Variants in STK10 observed in about 807,000 individuals in gnomAD.
The protein encoded by STK10 is serine/threonine-protein kinase 10.
A neutral mutation model predicts 113.8 loss-of-function variants in STK10; 78 were observed. The observed-to-expected ratio is 0.69, with a 90% CI of 0.57 to 0.83. STK10 has a LOEUF of 0.83. Ranked by LOEUF, STK10 falls within the 40% of genes least tolerant of loss-of-function variation. STK10 has a pLI of 0.00. For missense variants in STK10, 1,109 were observed against 1,280.1 expected (o/e 0.87, Z 2.04); for synonymous variants, 465 against 494.7 (o/e 0.94, Z 0.80).
chr5:172,142,995 G>C (rs2113802995), intron 2 of STK10, among the ~76,000 whole-genome samples: 1 of 152,322 alleles, frequency 6.6e-6, no homozygotes, highest in Admixed American at 6.5e-5. Context: ...AAGGAAGCCA[G>C]GATGTCCCAG....
intron 3 of STK10, among the ~76,000 whole-genome samples, chr5:172,124,175 T>C (rs1769573190): frequency 6.6e-6 from 1 of 152,148 alleles, no homozygotes; most frequent in South Asian, 2.1e-4. Flanking sequence ...GTGATCCACC[T>C]GCCTCGGCCT....
intron 3 of STK10, among the ~76,000 whole-genome samples, chr5:172,126,298 T>G (rs1209978346): frequency 1.3e-5 from 2 of 152,018 alleles, no homozygotes; most frequent in Admixed American, 6.6e-5. Flanking sequence ...ATAAAAGTGA[T>G]ATTTGCCTGT....
At chr5:172,144,682 A>G (rs1770050457) in intron 2 of STK10, among the ~76,000 whole-genome samples, 1 of 152,028 alleles carries the variant, frequency 6.6e-6, no homozygotes, top group African/African-American at 2.4e-5. Context: ...CTGGGGAAGG[A>G]ATTAGGACTG....
chr5:172,105,958 A>G (rs189024343), intron 6 of STK10, among the ~76,000 whole-genome samples: 1 of 152,328 alleles, frequency 6.6e-6, no homozygotes, highest in East Asian at 1.9e-4. Context: ...TGCCCAGGCC[A>G]CGCAGTGAGG....
At position 172,116,733 on chromosome 5, in the gene STK10, T is replaced by C. The variant is rs964493233; in HGVS notation, c.520+748A>G. Among the ~76,000 whole-genome samples the C allele has an allele frequency of 2.6e-5, 4 of 151,094 alleles. No homozygotes were observed. In the South Asian group the frequency reaches 6.3e-4, roughly 24 times the overall value. ...AAATACAAAAATTAGCCAGGTGTGG[T>C]GGTGGGTGCCTATAGTCCCAGCAAC... is the stretch of plus-strand genomic sequence containing the variant. On this transcript the variant is annotated intron_variant, in intron 4 of 18. Transcript: ENST00000176763.
intron 1 of STK10, among the ~76,000 whole-genome samples, chr5:172,170,948 G>C (rs1183260738): frequency 6.6e-6 from 1 of 152,240 alleles, no homozygotes; most frequent in Non-Finnish European, 1.5e-5. Flanking sequence ...AGGAGGAAGT[G>C]AGGAAGGAAG....
chr5:172,136,136 G>C (rs916571951), intron 2 of STK10, among the ~76,000 whole-genome samples: 1 of 152,104 alleles, frequency 6.6e-6, no homozygotes, highest in Non-Finnish European at 1.5e-5. Flanking sequence ...CTACTGATTT[G>C]ACAGAAAGGA....
chr5:172,112,813 C>T (rs1769268314), intron 4 of STK10, among the ~76,000 whole-genome samples: 1 of 151,696 alleles, frequency 6.6e-6, no homozygotes, highest in Non-Finnish European at 1.5e-5. Flanking sequence ...ATGGCACGAT[C>T]TCGGCTCACT....
At chr5:172,070,279 C>A (rs1429825620) in intron 12 of STK10, among the ~76,000 whole-genome samples, 3 of 149,994 alleles carry the variant, frequency 2.0e-5, no homozygotes, top group East Asian at 3.9e-4. Context: ...ATCTATATAT[C>A]TATATATATA....
At chr5:172,148,368 G>A (rs1770130311) in intron 2 of STK10, among the ~76,000 whole-genome samples, 1 of 152,140 alleles carries the variant, frequency 6.6e-6, no homozygotes, top group African/African-American at 2.4e-5. Context: ...GGAAGGACAA[G>A]GTCAGATGGT....
At chr5:172,110,331 C>A (rs778478344) in intron 4 of STK10, among the ~76,000 whole-genome samples, 3 of 152,142 alleles carry the variant, frequency 2.0e-5, no homozygotes, top group Non-Finnish European at 4.4e-5. Context: ...TCAGCATACA[C>A]TAACTGCACA....
At chr5:172,046,135 G>A (rs1382330686) in intron 18 of STK10, among the ~76,000 whole-genome samples, 10 of 151,710 alleles carry the variant, frequency 6.6e-5, no homozygotes, top group South Asian at 2.1e-4. Context: ...CAAGGCGGGC[G>A]GATCACCTGA....
chr5:172,071,487 G>A (rs1469408470), intron 12 of STK10, among the ~76,000 whole-genome samples: 1 of 151,904 alleles, frequency 6.6e-6, no homozygotes, highest in Non-Finnish European at 1.5e-5. Context: ...TTTCCCTGTA[G>A]GGAGCAAGCA....
intron 12 of STK10, among the ~76,000 whole-genome samples, chr5:172,066,685 A>G (rs540346976): frequency 1.3e-5 from 2 of 152,324 alleles, no homozygotes; most frequent in South Asian, 4.1e-4. Flanking sequence ...CTCCTTGGGA[A>G]GGAGGCATGA....
Position 172,187,742 on chromosome 5 carries a change from A to T in STK10, c.156+145T>A, listed in dbSNP as rs1229858369. 4 of 1,239,750 alleles carry T rather than the reference A, an allele frequency of 3.2e-6. No homozygotes were observed. The highest frequency in any genetic ancestry group is 3.3e-6 in the Non-Finnish European group (3 of 913,322). The allele number at this position is 1,239,750 out of a possible 1,614,324, so 76.8% of individuals were successfully genotyped here. On this transcript the variant is annotated intron_variant, in intron 1 of 18. Transcript: ENST00000176763. The surrounding 1 kb of genome is among the most constrained non-coding windows in gnomAD (Gnocchi z 4.6). The stretch of plus-strand genomic sequence containing the variant: ...AGTGATGTTCCCCCCAAAAAACAAG[A>T]GTCATCGGGATGAGGGCCAGGGACC...
At chr5:172,056,783 A>C (rs1192489245) in intron 15 of STK10, among the ~76,000 whole-genome samples, 2 of 151,558 alleles carry the variant, frequency 1.3e-5, no homozygotes, top group Non-Finnish European at 2.9e-5. Context: ...CTGAGGCAGG[A>C]GAATCACTTG....
intron 5 of STK10, chr5:172,107,115 C>CA (rs370399074): frequency 0.018 from 4,489 of 251,186 alleles, 191 homozygotes; most frequent in African/African-American, 0.095. Context: ...AGGTGCGGAG[C>CA]AAAAAAAAAG....
intron 18 of STK10, among the ~76,000 whole-genome samples, chr5:172,047,852 ATAG>A (rs985248169): frequency 6.7e-5 from 10 of 150,022 alleles, no homozygotes; most frequent in Middle Eastern, 3.5e-3. Flanking sequence ...TGCAGTATTG[ATAG>A]CTTCACTGTA....
rs555068518 is a variant in STK10 at position 172,133,640 on chromosome 5, T to C, written c.322-6219A>G. ...ACTCTGATGGTTGCAGGAAACCATG[T>C]TGCAACCACGAGAGAAGTGGGTGTG... is the stretch of plus-strand genomic sequence containing the variant. On this transcript the variant is annotated intron_variant, in intron 2 of 18. Coordinates refer to ENST00000176763, the MANE Select transcript of STK10 (RefSeq NM_005990.4). This position sits in a 1 kb window ranked among gnomAD's most constrained non-coding sequence, Gnocchi z 4.9. 8.5e-5 allele frequency among the ~76,000 whole-genome samples: 13 copies of C among 152,300 alleles called. No individual in the cohort carries two copies. In the East Asian group the frequency reaches 1.4e-3, roughly 16 times the overall value.
Sources: gnomAD v4.1 joint callset for allele counts (sites outside exome capture counted in the v4.1 genomes callset) on GRCh38, gnomAD v4.1.1 for gene constraint, Gnocchi (gnomAD v3.1) non-coding constraint, MANE v1.5 for transcripts, NCBI Gene and HGNC (gene_info 2026-07-23, HGNC 2026-07-21) for gene names.